JPH1: variants seen among roughly 807,000 people sequenced by gnomAD.
The protein encoded by JPH1 is junctophilin-1.
A neutral mutation model predicts 53.6 loss-of-function variants in JPH1; 12 were observed. The observed-to-expected ratio is 0.22, with a 90% CI of 0.14 to 0.36. JPH1 has a LOEUF of 0.36. JPH1 is among the 10% of genes least tolerant of loss of function. The pLI is 1.00. For synonymous variants in JPH1, 375 were observed against 363.8 expected, an observed-to-expected ratio of 1.03 and a Z score of -0.35; for missense variants, 808 against 905.5, an observed-to-expected ratio of 0.89 and a Z score of 1.38.
At chr8:74,267,612 A>T (rs553146351) in intron 2 of JPH1, among the ~76,000 whole-genome samples, 1 of 152,314 alleles carries the variant, frequency 6.6e-6, no homozygotes, top group East Asian at 1.9e-4. Context: ...GCCACCCCAG[A>T]AGCCGGACTG....
chr8:74,289,567 AC>A (rs1794654977), intron 2 of JPH1, among the ~76,000 whole-genome samples: 1 of 151,542 alleles, frequency 6.6e-6, no homozygotes, highest in African/African-American at 2.4e-5. Flanking sequence ...TACTTAGCAC[AC>A]TCTCTCCCCA....
chr8:74,239,185 GA>G (rs1327286705), intron 4 of JPH1, among the ~76,000 whole-genome samples: 4 of 152,064 alleles, frequency 2.6e-5, no homozygotes, highest in South Asian at 2.1e-4. Flanking sequence ...ACATCTCTGA[GA>G]TTTTTTTTTT....
At chr8:74,253,524 G>A (rs1206379368) in intron 3 of JPH1, among the ~76,000 whole-genome samples, 2 of 151,914 alleles carry the variant, frequency 1.3e-5, no homozygotes, top group African/African-American at 4.8e-5. Context: ...CTAGCAGAAG[G>A]CAAGAAATAA....
At chr8:74,290,466 C>G (rs1394120134) in intron 2 of JPH1, among the ~76,000 whole-genome samples, 1 of 152,094 alleles carries the variant, frequency 6.6e-6, no homozygotes, top group Non-Finnish European at 1.5e-5. Flanking sequence ...AACCACTGCT[C>G]AACAAAATAA....
intron 2 of JPH1, among the ~76,000 whole-genome samples, chr8:74,264,404 T>C (rs1282853033): frequency 4.6e-5 from 7 of 152,236 alleles, no homozygotes; most frequent in Non-Finnish European, 1.5e-5. Context: ...AGTGAATAAG[T>C]TGTCCTCTTT....
chr8:74,289,774 C>T (rs1586760579), intron 2 of JPH1, among the ~76,000 whole-genome samples: 1 of 152,160 alleles, frequency 6.6e-6, no homozygotes, highest in Non-Finnish European at 1.5e-5. Flanking sequence ...GAGTTTTTAG[C>T]ATGAAGGGCT....
At chr8:74,251,748 GT>G (rs201162305) in intron 3 of JPH1, among the ~76,000 whole-genome samples, 2,126 of 152,124 alleles carry the variant, frequency 0.014, 65 homozygotes, top group African/African-American at 0.049. Context: ...GAATAATACA[GT>G]TTTTTAAAAT....
rs200885369 is a variant in JPH1, at chr8:74,236,943, T to TGTCTGA, written c.*102_*107dup. ...TCCTAATTCCAAGCCTCCTTCCCTG[T>TGTCTGA]GTCTGAGTCTGCCTGGGGTGGGCCA... On this transcript the variant is annotated 3_prime_UTR_variant, in exon 6 of 6. Coordinates refer to ENST00000342232, the MANE Select transcript of JPH1 (RefSeq NM_020647.4). The TGTCTGA allele has an allele frequency of 0.013, 3,606 of 287,834 alleles. 66 individuals are homozygous for TGTCTGA. The highest frequency in any genetic ancestry group is 0.063 in the East Asian group (895 of 14,260). The allele number at this position is 287,834 out of a possible 1,614,324, so 17.8% of individuals were successfully genotyped here.
chr8:74,299,839 T>G (rs6988935), intron 2 of JPH1, among the ~76,000 whole-genome samples: 65,067 of 152,054 alleles, frequency 0.43, 14,471 homozygotes, highest in African/African-American at 0.55. Context: ...TGGCACATCT[T>G]TAACTGTTAC....
Position 74,321,039 on chromosome 8 carries a change from C to G in JPH1, c.249G>C (p.Arg83=), listed in dbSNP as rs779881695. 3.2e-5 allele frequency: 52 copies of G among 1,613,448 alleles called. No individual in the cohort carries two copies. The highest frequency in any genetic ancestry group is 1.7e-6 in the Non-Finnish European group (2 of 1,179,784). Residue 83 remains arginine (R), a synonymous_variant, in exon 1 of 6, where the codon CGG becomes CGC. Coordinates refer to ENST00000342232, the MANE Select transcript of JPH1 (RefSeq NM_020647.4). The surrounding 1 kb of genome is among the most constrained non-coding windows in gnomAD (Gnocchi z 4.3). The part of the protein sequence containing the change: ...GVETKGKWMY[R]GEWSHGFKGR... ...CCTTGAAACCATGTGACCACTCCCC[C>G]CGGTACATCCACTTGCCCTTCGTCT...
chr8:74,306,604 C>CTTT (rs5892449), intron 2 of JPH1, among the ~76,000 whole-genome samples: 4 of 147,366 alleles, frequency 2.7e-5, no homozygotes, highest in Non-Finnish European at 3.0e-5. Context: ...TCTACACTAA[C>CTTT]TTTTTTTTTT....
chr8:74,244,502 A>G (rs1805788991), intron 4 of JPH1, 27 bp downstream of exon 4: 1 of 1,557,780 alleles, frequency 6.4e-7, no homozygotes, highest in Non-Finnish European at 8.6e-7. Context: ...GAAGAAAGAA[A>G]GAGAAAACGC....
intron 2 of JPH1, among the ~76,000 whole-genome samples, chr8:74,277,854 T>C (rs753633792): frequency 6.6e-6 from 1 of 152,148 alleles, no homozygotes; most frequent in Admixed American, 6.5e-5. Context: ...ATAAGTAATA[T>C]ATTCACATGG....
intron 2 of JPH1, among the ~76,000 whole-genome samples, chr8:74,288,365 C>T (rs1382334839): frequency 6.6e-6 from 1 of 152,134 alleles, no homozygotes; most frequent in Admixed American, 6.5e-5. Context: ...CTCTGAAAAC[C>T]CATTTCTTCA....
At chr8:74,318,406 G>A (rs568648840) in intron 1 of JPH1, among the ~76,000 whole-genome samples, 2 of 152,234 alleles carry the variant, frequency 1.3e-5, no homozygotes, top group Admixed American at 1.3e-4. Flanking sequence ...GTGCAAGTAT[G>A]CATCTAGTTA....
intron 2 of JPH1, among the ~76,000 whole-genome samples, chr8:74,271,631 A>C (rs1806703541): frequency 6.6e-6 from 1 of 152,206 alleles, no homozygotes; most frequent in Non-Finnish European, 1.5e-5. Context: ...ATCCTGGTGG[A>C]AACTTGTAAA....
intron 3 of JPH1, among the ~76,000 whole-genome samples, chr8:74,251,969 CAG>C (rs1806080051): frequency 6.6e-6 from 1 of 152,166 alleles, no homozygotes; most frequent in Non-Finnish European, 1.5e-5. Flanking sequence ...GCTACCAAAA[CAG>C]AGACATAGAC....
chr8:74,274,835 C>G (rs6995798), intron 2 of JPH1, among the ~76,000 whole-genome samples: 4,758 of 152,154 alleles, frequency 0.031, 218 homozygotes, highest in African/African-American at 0.095. Flanking sequence ...GCCTAAAGAC[C>G]TAACACACAT....
intron 2 of JPH1, among the ~76,000 whole-genome samples, chr8:74,275,096 T>A (rs1210143642): frequency 6.6e-6 from 1 of 152,220 alleles, no homozygotes; most frequent in Non-Finnish European, 1.5e-5. Context: ...CAGACTGGGC[T>A]TTTGTTTTCT....
Sources: gnomAD v4.1 joint callset for allele counts (sites outside exome capture counted in the v4.1 genomes callset) on GRCh38, gnomAD v4.1.1 for gene constraint, Gnocchi (gnomAD v3.1) non-coding constraint, MANE v1.5 for transcripts, NCBI Gene and HGNC (gene_info 2026-07-23, HGNC 2026-07-21) for gene names.